The following PDGFD variants were observed in gnomAD, a reference collection of about 807,000 sequenced individuals.
PDGFD encodes platelet-derived growth factor D.
In PDGFD, 30 loss-of-function variants were observed where a neutral mutation model predicts 44.7. That is an observed-to-expected ratio of 0.67 (90% CI 0.50 to 0.91). PDGFD has a LOEUF of 0.91. Ranked by LOEUF, PDGFD falls within the 40% of genes least tolerant of loss-of-function variation. The pLI, the probability that PDGFD is intolerant of heterozygous loss-of-function variation, is 0.00. For synonymous variants in PDGFD, 173 were observed against 168.4 expected (o/e 1.03, Z -0.21); for missense variants, 445 against 457.8 (o/e 0.97, Z 0.25).
At chr11:104,018,925 T>C (rs1467531007) in intron 1 of PDGFD, among the ~76,000 whole-genome samples, 1 of 152,320 alleles carries the variant, frequency 6.6e-6, no homozygotes, top group African/African-American at 2.4e-5. Context: ...TCCTTGATCC[T>C]TGTCTTCAGC....
chr11:103,938,484 T>C (rs1274906082), intron 5 of PDGFD, among the ~76,000 whole-genome samples: 1 of 152,224 alleles, frequency 6.6e-6, no homozygotes, highest in African/African-American at 2.4e-5. Flanking sequence ...GTTGCAAAAA[T>C]TTTCTCCCAT....
At chr11:103,979,873 A>C (rs768457385) in intron 3 of PDGFD, among the ~76,000 whole-genome samples, 1 of 152,136 alleles carries the variant, frequency 6.6e-6, no homozygotes, top group Non-Finnish European at 1.5e-5. Flanking sequence ...TCAGAAGAAA[A>C]TGGAATCATT....
intron 1 of PDGFD, among the ~76,000 whole-genome samples, chr11:104,124,558 T>A (rs983646910): frequency 1.3e-5 from 2 of 152,128 alleles, no homozygotes; most frequent in African/African-American, 4.8e-5. Context: ...TCTCATTTTT[T>A]CAGGATGGAT....
intron 3 of PDGFD, among the ~76,000 whole-genome samples, chr11:103,973,835 A>G (rs560315337): frequency 6.6e-6 from 1 of 152,256 alleles, no homozygotes; most frequent in South Asian, 2.1e-4. Flanking sequence ...GGGCTGGGGT[A>G]AGAGAGAGAG....
intron 1 of PDGFD, among the ~76,000 whole-genome samples, chr11:104,001,205 T>C (rs761342501): frequency 6.6e-6 from 1 of 152,214 alleles, no homozygotes; most frequent in Non-Finnish European, 1.5e-5. Flanking sequence ...CATGACTGCA[T>C]AATGAAACTC....
In PDGFD at chr11:103,943,514, T is replaced by C. The variant is rs148347695; in HGVS notation, c.710A>G (p.Glu237Gly). 4 of 1,613,274 alleles carry C rather than the reference T, an allele frequency of 2.5e-6. No individual in the cohort carries two copies. In the African/African-American group the frequency reaches 5.3e-5, roughly 22 times the overall value. The change falls in exon 5 of 7, where the codon GAG becomes GGG. Residue 237 changes from glutamate (E) to glycine (G), a missense_variant. Glu to Gly is a moderately conservative substitution (Grantham distance 98). Transcript: ENST00000393158. ...FNPESWQEDL[E>G]NMYLDTPRYR... ...CCGAGGGGTGTCCAGATACATATTC[T>C]CAAGATCTTCTTGCCATGACTCTGG...
chr11:103,915,110 T>C (rs576548386), intron 6 of PDGFD, among the ~76,000 whole-genome samples: 4 of 152,094 alleles, frequency 2.6e-5, no homozygotes, highest in Non-Finnish European at 5.9e-5. Flanking sequence ...AATCAGGCAA[T>C]AGAAAGAAAT....
chr11:104,055,230 C>G (rs1434783910), intron 1 of PDGFD, among the ~76,000 whole-genome samples: 1 of 152,146 alleles, frequency 6.6e-6, no homozygotes. Flanking sequence ...TTGGAAGGAG[C>G]GCAGATGTGT....
chr11:104,114,345 G>GAAAAGA (rs1240185080), intron 1 of PDGFD, among the ~76,000 whole-genome samples: 1 of 151,826 alleles, frequency 6.6e-6, no homozygotes, highest in Non-Finnish European at 1.5e-5. Context: ...ACCATGTATA[G>GAAAAGA]AAAAGACTCT....
At chr11:104,087,765 G>A (rs1282838597) in intron 1 of PDGFD, among the ~76,000 whole-genome samples, 1 of 152,062 alleles carries the variant, frequency 6.6e-6, no homozygotes, top group African/African-American at 2.4e-5. Flanking sequence ...GAAGCCTTTG[G>A]TTCATGCCTT....
At chr11:104,048,521 C>T (rs1860478734) in intron 1 of PDGFD, among the ~76,000 whole-genome samples, 3 of 152,132 alleles carry the variant, frequency 2.0e-5, no homozygotes, top group African/African-American at 7.2e-5. Context: ...CAGAAACCAA[C>T]CTAATTGAAA....
At chr11:104,132,523 TC>T (rs1050515307) in intron 1 of PDGFD, among the ~76,000 whole-genome samples, 2 of 152,090 alleles carry the variant, frequency 1.3e-5, no homozygotes, top group Admixed American at 6.6e-5. Flanking sequence ...CTTCCTGGCA[TC>T]TACTACTTGC....
chr11:104,064,368 A>C (rs924272643), intron 1 of PDGFD, among the ~76,000 whole-genome samples: 4 of 152,244 alleles, frequency 2.6e-5, no homozygotes, highest in Non-Finnish European at 4.4e-5. Flanking sequence ...TTCTTTATAC[A>C]GATGCCAAAT....
At chr11:104,027,526 T>A (rs1860060439) in intron 1 of PDGFD, among the ~76,000 whole-genome samples, 1 of 152,226 alleles carries the variant, frequency 6.6e-6, no homozygotes, top group Non-Finnish European at 1.5e-5. Flanking sequence ...CCATTTTACA[T>A]AAGAGGATAA....
At chr11:104,085,968 C>T (rs1290305816) in intron 1 of PDGFD, among the ~76,000 whole-genome samples, 1 of 152,006 alleles carries the variant, frequency 6.6e-6, no homozygotes, top group Non-Finnish European at 1.5e-5. Flanking sequence ...GGGGTTTGGA[C>T]GATAAAGAGG....
chr11:104,154,213 T>C (rs1469243894), intron 1 of PDGFD, among the ~76,000 whole-genome samples: 1 of 152,164 alleles, frequency 6.6e-6, no homozygotes, highest in African/African-American at 2.4e-5. Context: ...TTCTAAAATT[T>C]TTCCTTCTTT....
chr11:103,970,377 GTTC>G (rs1456670305), intron 3 of PDGFD, among the ~76,000 whole-genome samples: 2 of 152,016 alleles, frequency 1.3e-5, no homozygotes, highest in East Asian at 3.9e-4. Flanking sequence ...GAACGAGAAA[GTTC>G]TTCTATGAAA....
At chr11:103,910,493 G>C (rs1012213915) in intron 6 of PDGFD, among the ~76,000 whole-genome samples, 3 of 152,178 alleles carry the variant, frequency 2.0e-5, no homozygotes, top group African/African-American at 7.2e-5. Flanking sequence ...GAAGTGCAAG[G>C]GGGTGGGGGA....
chr11:103,987,362 T>C (rs577460436), intron 3 of PDGFD, among the ~76,000 whole-genome samples: 1 of 152,292 alleles, frequency 6.6e-6, no homozygotes, highest in African/African-American at 2.4e-5. Flanking sequence ...TCTCCTCTTC[T>C]TCCTGAGTCC....
Sources: allele counts gnomAD v4.1 joint callset (sites outside exome capture counted in the v4.1 genomes callset), GRCh38; gene constraint gnomAD v4.1.1; transcripts MANE v1.5; gene names NCBI Gene and HGNC (gene_info 2026-07-23, HGNC 2026-07-21).